PTPRR: variants seen among roughly 807,000 people sequenced by gnomAD.
PTPRR encodes receptor-type tyrosine-protein phosphatase R.
PTPRR carries 38 observed loss-of-function variants against 77.2 expected under a neutral mutation model. The ratio of observed to expected loss-of-function variants is 0.49; its 90% CI spans 0.38 to 0.65. The LOEUF (loss-of-function observed/expected upper bound fraction) is 0.65, where lower values mean the gene tolerates loss of function less well. Among genes scored for constraint, PTPRR ranks in the 30% least tolerant of loss-of-function variants. The pLI is 0.00. For missense variants in PTPRR, 744 were observed against 799.2 expected, an observed-to-expected ratio of 0.93 and a Z score of 0.83; for synonymous variants, 299 against 283.1, an observed-to-expected ratio of 1.06 and a Z score of -0.57.
intron 13 of PTPRR, among the ~76,000 whole-genome samples, chr12:70,642,588 G>T (rs1033987860): frequency 2.0e-5 from 3 of 151,992 alleles, no homozygotes; most frequent in African/African-American, 7.2e-5. Context: ...CTAGGTTGTA[G>T]GTCCTTTAAA....
intron 2 of PTPRR, among the ~76,000 whole-genome samples, chr12:70,802,843 T>C (rs1046446308): frequency 8.5e-5 from 13 of 152,228 alleles, no homozygotes; most frequent in African/African-American, 2.4e-4. Flanking sequence ...TTGAATAAAA[T>C]TTCTTCCAAT....
chr12:70,818,882 C>G (rs1255137930), intron 2 of PTPRR, among the ~76,000 whole-genome samples: 4 of 152,132 alleles, frequency 2.6e-5, no homozygotes, highest in Non-Finnish European at 5.9e-5. Context: ...TGTCTTTTCT[C>G]TACTTTTGAA....
At chr12:70,685,345 T>C (rs1334965426) in intron 8 of PTPRR, among the ~76,000 whole-genome samples, 1 of 151,796 alleles carries the variant, frequency 6.6e-6, no homozygotes, top group African/African-American at 2.4e-5. Flanking sequence ...AAGATAAAGA[T>C]AAACATGATT....
intron 2 of PTPRR, among the ~76,000 whole-genome samples, chr12:70,806,026 G>A (rs1389765618): frequency 1.3e-5 from 2 of 152,230 alleles, no homozygotes; most frequent in South Asian, 2.1e-4. Flanking sequence ...GTTCTGATGT[G>A]GTCTGCCCCC....
intron 2 of PTPRR, among the ~76,000 whole-genome samples, chr12:70,833,567 T>A (rs1399857476): frequency 6.6e-6 from 1 of 152,170 alleles, no homozygotes; most frequent in Non-Finnish European, 1.5e-5. Context: ...GGAGGATGAC[T>A]TGTGAGATTA....
chr12:70,680,825 T>G (rs1887627890), intron 10 of PTPRR, among the ~76,000 whole-genome samples: 2 of 151,774 alleles, frequency 1.3e-5, no homozygotes. Context: ...CCAGCTCAGG[T>G]TGGGGCATCC....
At chr12:70,882,375 G>A (rs767994972) in intron 2 of PTPRR, among the ~76,000 whole-genome samples, 2 of 152,108 alleles carry the variant, frequency 1.3e-5, no homozygotes, top group Non-Finnish European at 2.9e-5. Context: ...TCACTACCGT[G>A]ACTGCTGCCC....
intron 6 of PTPRR, among the ~76,000 whole-genome samples, chr12:70,716,906 A>G (rs1889052416): frequency 6.6e-6 from 1 of 152,238 alleles, no homozygotes; most frequent in African/African-American, 2.4e-5. Context: ...ATAGATATGC[A>G]ACTGGTAATC....
chr12:70,829,001 C>A (rs1489222122), intron 2 of PTPRR, among the ~76,000 whole-genome samples: 1 of 152,076 alleles, frequency 6.6e-6, no homozygotes, highest in Non-Finnish European at 1.5e-5. Flanking sequence ...TTCATATTTT[C>A]AAGGATCTTG....
At chr12:70,866,893 G>C (rs1892861354) in intron 2 of PTPRR, among the ~76,000 whole-genome samples, 1 of 151,812 alleles carries the variant, frequency 6.6e-6, no homozygotes, top group Non-Finnish European at 1.5e-5. Flanking sequence ...CAAATCAATA[G>C]ATGTAATACA....
chr12:70,919,316 C>T (rs374901040), intron 1 of PTPRR, among the ~76,000 whole-genome samples: 2 of 152,170 alleles, frequency 1.3e-5, no homozygotes, highest in African/African-American at 4.8e-5. Context: ...GAAAATGCCT[C>T]GTCTCTGGTT....
chr12:70,880,268 A>G (rs1156495222), intron 2 of PTPRR, among the ~76,000 whole-genome samples: 6 of 152,098 alleles, frequency 3.9e-5, no homozygotes, highest in Non-Finnish European at 7.4e-5. Context: ...TTTTTTTATA[A>G]ACAAGGAAAC....
intron 2 of PTPRR, among the ~76,000 whole-genome samples, chr12:70,766,632 G>A (rs1453691867): frequency 2.6e-5 from 4 of 151,158 alleles, no homozygotes; most frequent in Non-Finnish European, 4.4e-5. Context: ...TAGCAAGGCA[G>A]GCCAGCATTC....
intron 2 of PTPRR, among the ~76,000 whole-genome samples, chr12:70,867,743 A>G (rs1359852300): frequency 6.6e-6 from 1 of 152,240 alleles, no homozygotes; most frequent in Non-Finnish European, 1.5e-5. Context: ...ATCCTAAGCC[A>G]GAAGAACAAA....
Position 70,902,607 on chromosome 12 carries a change from G to T in PTPRR, c.59-9630C>A, listed in dbSNP as rs1366422357. On this transcript the variant is annotated intron_variant, in intron 1 of 13. Transcript: ENST00000283228. ...CAGCAACCTGGATGGTATTGGAGAC[G>T]GTTATTCTAAGTGAAGTAACTTCAG... Among the ~76,000 whole-genome samples, 5 of 151,778 alleles carry T rather than the reference G, an allele frequency of 3.3e-5. No individual in the cohort carries two copies. The South Asian group carries it at 1.0e-3, about 32-fold the overall frequency.
chr12:70,809,402 T>G (rs1211790491), intron 2 of PTPRR, among the ~76,000 whole-genome samples: 1 of 152,226 alleles, frequency 6.6e-6, no homozygotes, highest in Non-Finnish European at 1.5e-5. Context: ...TTATTCATTG[T>G]GTTAGCCTCT....
chr12:70,715,677 T>C (rs936697360), intron 6 of PTPRR, among the ~76,000 whole-genome samples: 1 of 152,202 alleles, frequency 6.6e-6, no homozygotes. Flanking sequence ...TCCCATTTGC[T>C]TTTGAAAGAA....
chr12:70,733,955 A>T (rs1889775619), intron 6 of PTPRR, among the ~76,000 whole-genome samples: 1 of 152,202 alleles, frequency 6.6e-6, no homozygotes, highest in South Asian at 2.1e-4. Context: ...AAATGCACAT[A>T]GTGGGACCCT....
At chr12:70,672,355 G>C (rs1222084720) in intron 10 of PTPRR, 25 of 1,434,728 alleles carry the variant, frequency 1.7e-5, no homozygotes, top group African/African-American at 1.4e-4. Flanking sequence ...CCTATGATGA[G>C]ATGGTCCTCC....
Sources: gnomAD v4.1 joint callset for allele counts (sites outside exome capture counted in the v4.1 genomes callset) on GRCh38, gnomAD v4.1.1 for gene constraint, MANE v1.5 for transcripts, NCBI Gene and HGNC (gene_info 2026-07-23, HGNC 2026-07-21) for gene names.